Variants in GALM observed in about 807,000 individuals in gnomAD.
The protein encoded by GALM is galactose mutarotase, also known as aldose 1-epimerase.
In GALM, 43 loss-of-function variants were observed where a neutral mutation model predicts 37.4. The ratio of observed to expected loss-of-function variants is 1.15; its 90% CI spans 0.90 to 1.48. GALM has a LOEUF of 1.48. Among genes scored for constraint, GALM ranks in the 40% most tolerant of loss-of-function variants. The pLI is 0.00. For missense variants in GALM, 456 were observed against 419.1 expected (o/e 1.09, Z -0.77); for synonymous variants, 199 against 170.6 (o/e 1.17, Z -1.30).
intron 5 of GALM, 146 bp downstream of exon 5, chr2:38,729,843 C>T (rs1019325791): frequency 9.6e-5 from 64 of 663,702 alleles, no homozygotes; most frequent in Non-Finnish European, 1.4e-4. Flanking sequence ...CTCAAAGCTC[C>T]CATGGCACAG....
intron 5 of GALM, among the ~76,000 whole-genome samples, chr2:38,730,057 C>T (rs146969147): frequency 2.0e-5 from 3 of 152,328 alleles, no homozygotes; most frequent in South Asian, 4.1e-4. Context: ...TGCCTGCCTA[C>T]TCCATGGCCA....
chr2:38,715,525 C>T (rs1666252720), intron 4 of GALM, among the ~76,000 whole-genome samples: 1 of 152,124 alleles, frequency 6.6e-6, no homozygotes, highest in Non-Finnish European at 1.5e-5. Flanking sequence ...TTAGCTTCAT[C>T]CTCCTGGGCT....
At chr2:38,672,379 T>C (rs1271306558) in intron 1 of GALM, among the ~76,000 whole-genome samples, 11 of 152,222 alleles carry the variant, frequency 7.2e-5, no homozygotes, top group Admixed American at 7.2e-4. Context: ...ATTGTTTGGC[T>C]CTTTGGGACT....
At chr2:38,713,312 A>T (rs1035573945) in intron 4 of GALM, among the ~76,000 whole-genome samples, 32 of 152,136 alleles carry the variant, frequency 2.1e-4, no homozygotes, top group Non-Finnish European at 1.5e-5. Flanking sequence ...TCTCTCTCAT[A>T]CTAGAGCAGT....
At chr2:38,671,506 C>G (rs1037606511) in intron 1 of GALM, 3 of 152,172 alleles carry the variant, frequency 2.0e-5, no homozygotes, top group Non-Finnish European at 4.4e-5. Context: ...AACTCACTGA[C>G]TATCACAAGA....
intron 4 of GALM, among the ~76,000 whole-genome samples, chr2:38,718,027 G>C (rs1437260930): frequency 6.6e-6 from 1 of 150,742 alleles, no homozygotes; most frequent in Non-Finnish European, 1.5e-5. Context: ...GCAGAGACGG[G>C]GATCCTGCTA....
chr2:38,725,887 T>C (rs1572544285), intron 4 of GALM, among the ~76,000 whole-genome samples: 1 of 151,956 alleles, frequency 6.6e-6, no homozygotes, highest in African/African-American at 2.4e-5. Flanking sequence ...AATTTTTGTA[T>C]TTTTAGTAGA....
chr2:38,714,912 T>C (rs1666240029), intron 4 of GALM, among the ~76,000 whole-genome samples: 1 of 152,244 alleles, frequency 6.6e-6, no homozygotes, highest in African/African-American at 2.4e-5. Flanking sequence ...TGTTTCTTTG[T>C]TGATTTTCTG....
chr2:38,701,057 T>G (rs1665907341), intron 4 of GALM, among the ~76,000 whole-genome samples: 1 of 152,260 alleles, frequency 6.6e-6, no homozygotes, highest in African/African-American at 2.4e-5. Flanking sequence ...CTTCAGGACC[T>G]GATTCTAGTT....
chr2:38,694,789 C>T (rs945858943), intron 4 of GALM, among the ~76,000 whole-genome samples: 1 of 147,986 alleles, frequency 6.8e-6, no homozygotes, highest in African/African-American at 2.5e-5. Flanking sequence ...CCCAGCTACT[C>T]GGCAGGCTGA....
rs201438260 is a variant in GALM, at chr2:38,686,231, T to TCCTTCCTTCCTTCCTTCCTTC, written c.553-3581_553-3580insCTTCCTTCCTTCCTTCCTTCC. Among the ~76,000 whole-genome samples, 7 of 32,906 alleles carry TCCTTCCTTCCTTCCTTCCTTC rather than the reference T, an allele frequency of 2.1e-4. 1 individual carries two copies. The highest frequency in any genetic ancestry group is 1.0e-3 in the African/African-American group (6 of 6,004). 21.6% of individuals were successfully genotyped at this position (32,906 alleles called of 152,430 possible). A position where few individuals can be genotyped will look rare whatever the true frequency, so the allele number is the denominator to read the frequency against. On this transcript the variant is annotated intron_variant, in intron 3 of 6. Coordinates refer to ENST00000272252, the MANE Select transcript of GALM (RefSeq NM_138801.3). ...CACAGAAAGTGGAAATTTCTTTCTT[T>TCCTTCCTTCCTTCCTTCCTTC]CTTTCTTTCTTTCTTTCTTTCTTTC...
intron 2 of GALM, chr2:38,680,268 TGCCTCAGCCTCCCAAA>T (rs1665364252): frequency 1.2e-5 from 3 of 242,104 alleles, no homozygotes. Flanking sequence ...GCGATCCTCC[TGCCTCAGCCTCCCAAA>T]GTGTTGGGAT....
At chr2:38,704,126 TTCTTA>T (rs779643222) in intron 4 of GALM, among the ~76,000 whole-genome samples, 5 of 151,904 alleles carry the variant, frequency 3.3e-5, no homozygotes, top group African/African-American at 4.8e-5. Flanking sequence ...AAAGGGGGTT[TTCTTA>T]TCTTTTTTCC....
chr2:38,670,522 CT>C, intron 1 of GALM, among the ~76,000 whole-genome samples: 1 of 152,280 alleles, frequency 6.6e-6, no homozygotes, highest in Non-Finnish European at 1.5e-5. Context: ...TGCTTCCTTC[CT>C]TAAAGCTGTG....
At chr2:38,673,165 C>T (rs887395490) in intron 1 of GALM, among the ~76,000 whole-genome samples, 2 of 152,140 alleles carry the variant, frequency 1.3e-5, no homozygotes, top group Admixed American at 1.3e-4. Flanking sequence ...TAATGGAAAC[C>T]TGTGACCTGT....
At chr2:38,669,895 CTTTTTT>C (rs35676843) in intron 1 of GALM, among the ~76,000 whole-genome samples, 2 of 135,126 alleles carry the variant, frequency 1.5e-5, no homozygotes, top group African/African-American at 2.6e-5. Flanking sequence ...AAAAGTTTTT[CTTTTTT>C]TTTTTTTTTT....
chr2:38,676,414 T>C (rs1272337777), intron 2 of GALM, among the ~76,000 whole-genome samples: 2 of 152,106 alleles, frequency 1.3e-5, no homozygotes, highest in Admixed American at 6.6e-5. Context: ...ACATATATTA[T>C]CTCTTACTCT....
At position 38,689,817 on chromosome 2, in the gene GALM, C is replaced by A. The variant is rs747076486; in HGVS notation, c.557C>A (p.Ser186Tyr). ...TCCCCTACCTTTTCCTCCCAGGCTT[C>A]CCCAAATATAAATGACCATGAAGTC... The part of the protein sequence containing the change: ...HSYFNLAGQA[S>Y]PNINDHEVTI... The change falls in exon 4 of 7, where the codon TCC becomes TAC. Residue 186 changes from serine (S) to tyrosine (Y), a missense_variant. Transcript: ENST00000272252. 6.3e-7 allele frequency: 1 copy of A among 1,595,066 alleles called. No individual in the cohort carries two copies. Among genetic ancestry groups the A allele is most frequent in the Non-Finnish European group, 8.6e-7 (1 of 1,166,516 alleles).
At chr2:38,720,414 T>TA (rs34372976) in intron 4 of GALM, among the ~76,000 whole-genome samples, 135 of 92,846 alleles carry the variant, frequency 1.5e-3, no homozygotes, top group Admixed American at 3.8e-3. Context: ...ACTTCTATGT[T>TA]AAAAAAAAAA....
Sources: gnomAD v4.1 joint callset for allele counts (sites outside exome capture counted in the v4.1 genomes callset) on GRCh38, gnomAD v4.1.1 for gene constraint, MANE v1.5 for transcripts, NCBI Gene and HGNC (gene_info 2026-07-23, HGNC 2026-07-21) for gene names.